The following MNAT1 variants were observed in gnomAD, a reference collection of about 807,000 sequenced individuals.
MNAT1 encodes the protein CDK-activating kinase assembly factor MAT1.
MNAT1 carries 43 observed loss-of-function variants against 42.0 expected under a neutral mutation model. The ratio of observed to expected loss-of-function variants is 1.02; its 90% confidence interval spans 0.80 to 1.32. The LOEUF (loss-of-function observed/expected upper bound fraction) is 1.32, where lower values mean the gene tolerates loss of function less well. Ranked by LOEUF, MNAT1 falls within the 40% of genes most tolerant of loss-of-function variation. MNAT1 has a pLI of 0.00. For synonymous variants in MNAT1, 118 were observed against 120.0 expected (o/e 0.98, Z 0.11); for missense variants, 306 against 350.4 (o/e 0.87, Z 1.01).
intron 1 of MNAT1, among the ~76,000 whole-genome samples, chr14:60,761,181 T>C (rs1159978021): frequency 1.3e-5 from 2 of 152,202 alleles, no homozygotes; most frequent in Non-Finnish European, 2.9e-5. Flanking sequence ...GTGGTACTTT[T>C]TTTTGCCCAC....
chr14:60,765,303 A>G (rs1016524370), intron 1 of MNAT1, among the ~76,000 whole-genome samples: 11 of 152,126 alleles, frequency 7.2e-5, no homozygotes, highest in Admixed American at 5.9e-4. Flanking sequence ...CGTCTCACTC[A>G]TAAGTGGGAG....
intron 6 of MNAT1, among the ~76,000 whole-genome samples, chr14:60,840,264 G>A (rs1212797516): frequency 6.6e-6 from 1 of 152,212 alleles, no homozygotes; most frequent in Admixed American, 6.5e-5. Flanking sequence ...GCCTGTGTGA[G>A]AAAATGAAAA....
In MNAT1 at chr14:60,861,632, T is replaced by C. The variant is rs1275674815; in HGVS notation, c.688-18082T>C. On this transcript the variant is annotated intron_variant, in intron 6 of 7. Coordinates refer to ENST00000261245, the MANE Select transcript of MNAT1 (RefSeq NM_002431.4). Reference sequence around the variant, plus strand: ...GTACACTTGCTATTAATGAAAAAATTAGAAGAATTTCGAGCAAGAAAATAT... The same window carrying C: ...GTACACTTGCTATTAATGAAAAAATCAGAAGAATTTCGAGCAAGAAAATAT... Among the ~76,000 whole-genome samples, 4 of 152,298 alleles carry C rather than the reference T, an allele frequency of 2.6e-5. No individual in the cohort carries two copies. The South Asian group carries it at 6.2e-4, about 24-fold the overall frequency.
intron 7 of MNAT1, among the ~76,000 whole-genome samples, chr14:60,898,683 A>T (rs1471260840): frequency 6.6e-6 from 1 of 151,972 alleles, no homozygotes; most frequent in Non-Finnish European, 1.5e-5. Context: ...ATAGTTTGCA[A>T]ATATTTTCTC....
chr14:60,943,053 C>CTTT (rs377454616), intron 7 of MNAT1, among the ~76,000 whole-genome samples: 45,001 of 53,096 alleles, frequency 0.85, 21,261 homozygotes, highest in Non-Finnish European at 0.94. Flanking sequence ...TGTGTGTGCG[C>CTTT]TTTTTTTTTT....
At chr14:60,785,966 A>C (rs1176203995) in intron 1 of MNAT1, among the ~76,000 whole-genome samples, 1 of 152,132 alleles carries the variant, frequency 6.6e-6, no homozygotes, top group African/African-American at 2.4e-5. Flanking sequence ...TGAATTATAT[A>C]TATTTTTTCA....
chr14:60,748,024 G>A (rs892521132), intron 1 of MNAT1, among the ~76,000 whole-genome samples: 3 of 151,944 alleles, frequency 2.0e-5, no homozygotes, highest in African/African-American at 7.2e-5. Flanking sequence ...GTGAAACACC[G>A]TCTCTACTGA....
intron 7 of MNAT1, among the ~76,000 whole-genome samples, chr14:60,886,449 T>G (rs2034672838): frequency 6.6e-6 from 1 of 152,034 alleles, no homozygotes; most frequent in Non-Finnish European, 1.5e-5. Context: ...TTTGACCTCC[T>G]TTGTTAAATT....
intron 1 of MNAT1, among the ~76,000 whole-genome samples, chr14:60,760,158 A>T (rs1243703197): frequency 6.6e-6 from 1 of 152,196 alleles, no homozygotes; most frequent in African/African-American, 2.4e-5. Context: ...TATTATTTGA[A>T]ATTTGCAGAA....
chr14:60,758,838 T>C (rs964502416), intron 1 of MNAT1, among the ~76,000 whole-genome samples: 15 of 152,172 alleles, frequency 9.9e-5, no homozygotes, highest in East Asian at 3.8e-4. Flanking sequence ...TAAAAATGCA[T>C]GTAAGATTTT....
intron 7 of MNAT1, among the ~76,000 whole-genome samples, chr14:60,909,736 A>G (rs926430685): frequency 1.3e-5 from 2 of 152,174 alleles, no homozygotes; most frequent in African/African-American, 4.8e-5. Context: ...GCCTTGTAAT[A>G]TAGTTTGAAG....
chr14:60,867,811 G>A (rs1237982566), intron 6 of MNAT1, among the ~76,000 whole-genome samples: 1 of 152,110 alleles, frequency 6.6e-6, no homozygotes, highest in Non-Finnish European at 1.5e-5. Context: ...TTTAGAGACA[G>A]TGCCAGGAGA....
chr14:60,939,360 TG>T (rs1304865197), intron 7 of MNAT1, among the ~76,000 whole-genome samples: 1 of 152,210 alleles, frequency 6.6e-6, no homozygotes, highest in African/African-American at 2.4e-5. Context: ...CTTTCTCTTG[TG>T]GGCATTTAGT....
intron 7 of MNAT1, among the ~76,000 whole-genome samples, chr14:60,936,876 C>A (rs1221696498): frequency 6.6e-6 from 1 of 152,132 alleles, no homozygotes; most frequent in Non-Finnish European, 1.5e-5. Flanking sequence ...TCCACATCCT[C>A]TCCAGCACCT....
intron 7 of MNAT1, among the ~76,000 whole-genome samples, chr14:60,910,942 A>G (rs1390158704): frequency 6.6e-6 from 1 of 151,904 alleles, no homozygotes; most frequent in East Asian, 1.9e-4. Context: ...CGGCTGTGAA[A>G]CCATCTGGTC....
At chr14:60,943,889 A>G (rs1460599316) in intron 7 of MNAT1, among the ~76,000 whole-genome samples, 1 of 152,220 alleles carries the variant, frequency 6.6e-6, no homozygotes, top group East Asian at 1.9e-4. Context: ...TTATAACCGA[A>G]GCAAGATTTA....
intron 6 of MNAT1, among the ~76,000 whole-genome samples, chr14:60,825,079 G>A (rs572154893): frequency 1.3e-5 from 2 of 152,184 alleles, no homozygotes; most frequent in African/African-American, 4.8e-5. Context: ...CTAATAAAAG[G>A]CTTAGATCCA....
At chr14:60,826,614 C>G (rs568406909) in intron 6 of MNAT1, among the ~76,000 whole-genome samples, 3 of 152,008 alleles carry the variant, frequency 2.0e-5, no homozygotes, top group African/African-American at 7.2e-5. Context: ...CCACCGCACC[C>G]GGACAGAAAC....
chr14:60,923,424 T>G (rs1297922103), intron 7 of MNAT1, among the ~76,000 whole-genome samples: 1 of 152,254 alleles, frequency 6.6e-6, no homozygotes, highest in Non-Finnish European at 1.5e-5. Context: ...ATTATACATA[T>G]TTAACAAAAA....
Sources: allele counts gnomAD v4.1 joint callset (sites outside exome capture counted in the v4.1 genomes callset), GRCh38; gene constraint gnomAD v4.1.1; transcripts MANE v1.5; gene names NCBI Gene and HGNC (gene_info 2026-07-23, HGNC 2026-07-21).